Variants in DCDC2C observed in about 807,000 individuals in gnomAD.
DCDC2C encodes doublecortin domain containing 2C, also known as doublecortin domain-containing protein 2C.
In DCDC2C, 44 loss-of-function variants were observed where a neutral mutation model predicts 45.0. That is an observed-to-expected ratio of 0.98 (90% CI 0.77 to 1.26). The LOEUF (loss-of-function observed/expected upper bound fraction) is 1.26. DCDC2C is among the 50% of genes most tolerant of loss of function. The probability of loss-of-function intolerance (pLI) is 0.00; values close to 1 mark genes in which losing one functional copy is unlikely to be tolerated. For synonymous variants in DCDC2C, 187 were observed against 178.8 expected, an observed-to-expected ratio of 1.05 and a Z score of -0.37; for missense variants, 447 against 468.9, an observed-to-expected ratio of 0.95 and a Z score of 0.43.
chr2:3,725,674 G>A (rs1668643472), intron 2 of DCDC2C, among the ~76,000 whole-genome samples: 1 of 146,866 alleles, frequency 6.8e-6, no homozygotes. Flanking sequence ...AGCAGAGAGT[G>A]AGGAGGCTGC....
intron 10 of DCDC2C, among the ~76,000 whole-genome samples, chr2:3,791,768 T>A (rs1572621416): frequency 6.6e-6 from 1 of 152,084 alleles, no homozygotes; most frequent in Non-Finnish European, 1.5e-5. Context: ...CTTCCTCCCC[T>A]CCCGCCGGCA....
rs114444328 is a variant in DCDC2C, at chr2:3,761,095, G to T, written c.726+6461G>T. On this transcript the variant is annotated intron_variant, in intron 6 of 10. Transcript: ENST00000399143. The surrounding 1 kb of genome is among the most constrained non-coding windows in gnomAD (Gnocchi z 4.3). Reference sequence around the variant, plus strand: ...TGAATGAAGCTACTCTCATTATATAGCATTCAGTTTTACGGGAACTGCATT... The same window carrying T: ...TGAATGAAGCTACTCTCATTATATATCATTCAGTTTTACGGGAACTGCATT... 0.011 allele frequency among the ~76,000 whole-genome samples: 1,612 copies of T among 152,282 alleles called. 34 individuals carry two copies. Among genetic ancestry groups the T allele is most frequent in the African/African-American group, 0.037 (1,528 of 41,554 alleles).
intron 4 of DCDC2C, among the ~76,000 whole-genome samples, chr2:3,742,389 T>G (rs75841202): frequency 0.046 from 7,028 of 152,264 alleles, 292 homozygotes; most frequent in East Asian, 0.1. Flanking sequence ...GGCCTCTCAG[T>G]TGGTCTGGAG....
Position 3,813,732 on chromosome 2 carries a change from C to CTTTTTT in DCDC2C, c.1065+28644_1065+28649dup, listed in dbSNP as rs3067128. The stretch of plus-strand genomic sequence containing the variant: ...TCAGAGACTAGGATTGCAACCCCTG[C>CTTTTTT]TTTTTTTTTTTTTTTTTGCTTCCCA... On this transcript the variant is annotated intron_variant, in intron 10 of 10. Coordinates refer to ENST00000399143, the MANE Select transcript of DCDC2C (RefSeq NM_001287444.2). 3.8e-3 allele frequency among the ~76,000 whole-genome samples: 379 copies of CTTTTTT among 99,110 alleles called. 13 individuals carry two copies. The highest frequency in any genetic ancestry group is 0.014 in the African/African-American group (337 of 23,980). 65.0% of individuals were successfully genotyped at this position (99,110 alleles called of 152,430 possible). A position where few individuals can be genotyped will look rare whatever the true frequency, so the allele number is the denominator to read the frequency against.
intron 2 of DCDC2C, among the ~76,000 whole-genome samples, chr2:3,712,057 C>A (rs1044266777): frequency 3.3e-5 from 5 of 152,124 alleles, no homozygotes; most frequent in African/African-American, 4.8e-5. Context: ...CTTGGTGGGA[C>A]AAGCATTTGC....
intron 3 of DCDC2C, among the ~76,000 whole-genome samples, chr2:3,735,358 C>T (rs1668994506): frequency 6.6e-6 from 1 of 151,846 alleles, no homozygotes; most frequent in African/African-American, 2.4e-5. Context: ...TGGTGTGCTG[C>T]ACCCATTAAC....
chr2:3,823,688 T>C (rs1671747197), intron 10 of DCDC2C, among the ~76,000 whole-genome samples: 1 of 152,248 alleles, frequency 6.6e-6, no homozygotes, highest in Non-Finnish European at 1.5e-5. Flanking sequence ...TTGATAGTTT[T>C]TTTTCTTTTA....
intron 2 of DCDC2C, among the ~76,000 whole-genome samples, chr2:3,713,198 T>C (rs1307723847): frequency 3.3e-5 from 5 of 152,232 alleles, no homozygotes; most frequent in Non-Finnish European, 7.3e-5. Flanking sequence ...TTCCATTTAA[T>C]TCAAAGACGT....
chr2:3,717,190 A>G (rs1452993116), intron 2 of DCDC2C, among the ~76,000 whole-genome samples: 3 of 151,848 alleles, frequency 2.0e-5, no homozygotes, highest in Non-Finnish European at 2.9e-5. Flanking sequence ...CATTCTCTCC[A>G]TTATTTCCAT....
intron 1 of DCDC2C, 76 bp from the exon 2 acceptor site, chr2:3,708,473 T>G: frequency 1.7e-6 from 2 of 1,174,866 alleles, no homozygotes; most frequent in African/African-American, 3.1e-5. Flanking sequence ...GGAAAAGGAC[T>G]CGTTTCTAAG....
At position 3,815,222 on chromosome 2, in the gene DCDC2C, C is replaced by T. The variant is rs113737865; in HGVS notation, c.1065+30122C>T. Among the ~76,000 whole-genome samples the T allele has an allele frequency of 7.9e-3, 1,209 of 152,330 alleles. 15 individuals are homozygous for T. The highest frequency in any genetic ancestry group is 0.028 in the African/African-American group (1,152 of 41,572). On this transcript the variant is annotated intron_variant, in intron 10 of 10. Transcript: ENST00000399143. Reference sequence around the variant, plus strand: ...GTTGCACAGTTCCATGGAAAAAGCACGGTTTCCCCAGCTGGGTAGCACGCT... The same window carrying T: ...GTTGCACAGTTCCATGGAAAAAGCATGGTTTCCCCAGCTGGGTAGCACGCT...
chr2:3,808,552 C>G (rs1382481002), intron 10 of DCDC2C, among the ~76,000 whole-genome samples: 1 of 152,150 alleles, frequency 6.6e-6, no homozygotes, highest in Non-Finnish European at 1.5e-5. Flanking sequence ...CCACTACACC[C>G]AGCTAATTTT....
chr2:3,769,127 A>T (rs764954516), intron 7 of DCDC2C, 184 bp from the exon 8 acceptor site: 42 of 572,068 alleles, frequency 7.3e-5, no homozygotes, highest in Non-Finnish European at 1.3e-4. Context: ...ACCTTGGCAG[A>T]TGCAAACAGG....
intron 3 of DCDC2C, among the ~76,000 whole-genome samples, chr2:3,729,797 A>G (rs946591046): frequency 1.3e-5 from 2 of 152,204 alleles, no homozygotes; most frequent in African/African-American, 4.8e-5. Flanking sequence ...TGTTCCTGGC[A>G]GCCCTGGGTT....
At chr2:3,840,069 A>G (rs764395960) in intron 10 of DCDC2C, among the ~76,000 whole-genome samples, 3 of 152,180 alleles carry the variant, frequency 2.0e-5, no homozygotes, top group Non-Finnish European at 2.9e-5. Flanking sequence ...TATTGCATTT[A>G]TTTATATTAT....
chr2:3,727,109 AAACTGTGCCAT>A, intron 3 of DCDC2C, 30 bp downstream of exon 3: 1 of 1,511,316 alleles, frequency 6.6e-7, no homozygotes, highest in Non-Finnish European at 9.0e-7. Context: ...TGAAAAAATC[AAACTGTGCCAT>A]AACTCCCTAA....
intron 3 of DCDC2C, among the ~76,000 whole-genome samples, chr2:3,736,008 G>A (rs1045344660): frequency 2.8e-4 from 43 of 152,202 alleles, no homozygotes; most frequent in African/African-American, 1.0e-3. Flanking sequence ...TATCTTATAG[G>A]GTTCTGCATC....
chr2:3,703,834 A>G lies in DCDC2C; in HGVS notation c.83A>G (p.Tyr28Cys). The G allele has an allele frequency of 3.1e-6, 4 of 1,272,294 alleles. No individual in the cohort carries two copies. The highest frequency in any genetic ancestry group is 3.0e-6 in the Non-Finnish European group (3 of 1,004,742). The allele number at this position is 1,272,294 out of a possible 1,614,324, so 78.8% of individuals were successfully genotyped here. A position where few individuals can be genotyped will look rare whatever the true frequency, so the allele number is the denominator to read the frequency against. Residue 28 changes from tyrosine (Y) to cysteine (C), a missense_variant, in exon 1 of 11, where the codon TAC (tyrosine) becomes TGC (cysteine). Physicochemically the swap from Tyr to Cys is radical, Grantham distance 194 (BLOSUM62 -2). Transcript: ENST00000399143. The surrounding 1 kb of genome is among the most constrained non-coding windows in gnomAD (Gnocchi z 4.4). ...GTGTACCGCAACGGGGACCCGTTCT[A>G]CGTGGGCAAGAAGTTCGTGCTGTCG... ...IVVYRNGDPFYVGKKFVLSRR... is the reference protein window; with the variant it reads ...IVVYRNGDPFCVGKKFVLSRR...
At chr2:3,764,031 A>C (rs927503784) in intron 6 of DCDC2C, among the ~76,000 whole-genome samples, 1 of 152,342 alleles carries the variant, frequency 6.6e-6, no homozygotes, top group African/African-American at 2.4e-5. Flanking sequence ...GTCTATTAGC[A>C]TGGTAGTTAA....
Sources: allele counts gnomAD v4.1 joint callset (sites outside exome capture counted in the v4.1 genomes callset), GRCh38; gene constraint gnomAD v4.1.1; non-coding constraint Gnocchi (gnomAD v3.1); transcripts MANE v1.5; gene names NCBI Gene and HGNC (gene_info 2026-07-23, HGNC 2026-07-21).